The following ESRRG variants were observed in gnomAD, a reference collection of about 807,000 sequenced individuals.
ESRRG encodes the protein estrogen related receptor gamma.
ESRRG carries 13 observed loss-of-function variants against 44.0 expected under a neutral mutation model. The observed-to-expected ratio is 0.30, with a 90% confidence interval of 0.19 to 0.47. The LOEUF is 0.47. ESRRG is among the 20% of genes least tolerant of loss of function. The pLI is 1.00. For missense variants in ESRRG, 395 were observed against 580.6 expected (o/e 0.68, Z 3.29); for synonymous variants, 215 against 214.6 (o/e 1.00, Z -0.02).
chr1:216,627,542 C>T (rs551824827), intron 3 of ESRRG, among the ~76,000 whole-genome samples: 3 of 152,180 alleles, frequency 2.0e-5, no homozygotes, highest in Non-Finnish European at 4.4e-5. Context: ...AAGATATAAA[C>T]ATTGAAACAA....
At chr1:217,010,705 G>A (rs138345905) in intron 1 of ESRRG, among the ~76,000 whole-genome samples, 56 of 152,218 alleles carry the variant, frequency 3.7e-4, no homozygotes, top group Admixed American at 3.1e-3. Flanking sequence ...ATTTGGCCCC[G>A]TGAAAAGAAG....
chr1:216,519,812 A>AG (rs2045522434), intron 5 of ESRRG, among the ~76,000 whole-genome samples: 1 of 125,278 alleles, frequency 8.0e-6, no homozygotes, highest in African/African-American at 3.4e-5. Flanking sequence ...ACAACATAAA[A>AG]GTAAAAAAAA....
At chr1:216,796,053 G>A (rs541542438) in intron 2 of ESRRG, among the ~76,000 whole-genome samples, 1 of 152,306 alleles carries the variant, frequency 6.6e-6, no homozygotes, top group East Asian at 1.9e-4. Flanking sequence ...AACAAGTGGG[G>A]CTGGCTGAAA....
chr1:216,738,956 A>G (rs2090322989), intron 2 of ESRRG, among the ~76,000 whole-genome samples: 1 of 152,170 alleles, frequency 6.6e-6, no homozygotes, highest in African/African-American at 2.4e-5. Context: ...GCCTGAAGTG[A>G]TCTACCACCT....
intron 2 of ESRRG, among the ~76,000 whole-genome samples, chr1:216,825,911 C>T (rs2095384489): frequency 6.6e-6 from 1 of 152,126 alleles, no homozygotes; most frequent in Non-Finnish European, 1.5e-5. Flanking sequence ...TCTATTAGTT[C>T]TTCAGTGGCA....
At chr1:216,997,322 G>T (rs1436872104) in intron 1 of ESRRG, among the ~76,000 whole-genome samples, 3 of 152,150 alleles carry the variant, frequency 2.0e-5, no homozygotes, top group Non-Finnish European at 4.4e-5. Context: ...AGACAACCCT[G>T]CAGAACATGC....
chr1:216,833,919 A>G (rs887672049), intron 2 of ESRRG, among the ~76,000 whole-genome samples: 1 of 152,170 alleles, frequency 6.6e-6, no homozygotes, highest in African/African-American at 2.4e-5. Flanking sequence ...TCCCTATGCA[A>G]TGGCATTTAG....
chr1:216,855,772 G>A (rs961139682), intron 2 of ESRRG, among the ~76,000 whole-genome samples: 4 of 152,126 alleles, frequency 2.6e-5, no homozygotes, highest in African/African-American at 9.7e-5. Flanking sequence ...AGATCCTGCG[G>A]CTGCCGCATC....
chr1:216,519,573 C>CT, intron 5 of ESRRG, 152 bp from the exon 6 acceptor site: 1 of 700,496 alleles, frequency 1.4e-6, no homozygotes. Context: ...GATCACTTTG[C>CT]GAACAGCAAA....
chr1:216,829,847 C>G (rs1218140100), intron 2 of ESRRG, among the ~76,000 whole-genome samples: 1 of 152,116 alleles, frequency 6.6e-6, no homozygotes, highest in Admixed American at 6.5e-5. Context: ...AGCCACCGCG[C>G]CCGGCCTGAA....
intron 1 of ESRRG, among the ~76,000 whole-genome samples, chr1:217,057,138 C>T (rs187882261): frequency 3.9e-5 from 6 of 152,216 alleles, no homozygotes; most frequent in Non-Finnish European, 5.9e-5. Context: ...ACATTTGAGC[C>T]ATATGGAACA....
chr1:216,744,368 C>T (rs1256069104), intron 2 of ESRRG, among the ~76,000 whole-genome samples: 1 of 152,072 alleles, frequency 6.6e-6, no homozygotes, highest in African/African-American at 2.4e-5. Flanking sequence ...CATATTCTTG[C>T]CTTGGGAAGT....
intron 1 of ESRRG, among the ~76,000 whole-genome samples, chr1:216,975,729 T>C (rs758963194): frequency 1.1e-4 from 16 of 152,166 alleles, no homozygotes; most frequent in Non-Finnish European, 2.2e-4. Flanking sequence ...CCTTTGATTG[T>C]AGAATGCCCT....
At chr1:217,058,181 G>A (rs2087553376) in intron 1 of ESRRG, among the ~76,000 whole-genome samples, 1 of 152,040 alleles carries the variant, frequency 6.6e-6, no homozygotes, top group African/African-American at 2.4e-5. Context: ...TGAGCAAAAA[G>A]AATACATGGC....
intron 2 of ESRRG, among the ~76,000 whole-genome samples, chr1:216,932,035 C>T (rs1023361104): frequency 1.3e-5 from 2 of 151,970 alleles, no homozygotes; most frequent in African/African-American, 4.8e-5. Flanking sequence ...GAAACGTGGT[C>T]TCTACTAAAA....
At chr1:217,029,943 A>C (rs1430630826) in intron 1 of ESRRG, among the ~76,000 whole-genome samples, 2 of 152,076 alleles carry the variant, frequency 1.3e-5, no homozygotes, top group Admixed American at 6.6e-5. Flanking sequence ...ACTAATATTT[A>C]CTCAGCTTAG....
chr1:216,934,294 C>G (rs570442446), intron 2 of ESRRG, among the ~76,000 whole-genome samples: 149 of 152,170 alleles, frequency 9.8e-4, no homozygotes, highest in African/African-American at 3.5e-3. Flanking sequence ...ATTAGCCGGA[C>G]GTGGTGGCAG....
chr1:216,657,872 G>A (rs540420603), intron 2 of ESRRG, among the ~76,000 whole-genome samples: 1 of 152,236 alleles, frequency 6.6e-6, no homozygotes, highest in East Asian at 1.9e-4. Context: ...CCTTTTGCAG[G>A]TTGGTTCTTT....
intron 1 of ESRRG, among the ~76,000 whole-genome samples, chr1:217,027,680 A>G (rs879499263): frequency 1.3e-5 from 2 of 152,192 alleles, no homozygotes; most frequent in Non-Finnish European, 2.9e-5. Flanking sequence ...TCATCAGCCT[A>G]CCATGCAAAA....
Sources: gnomAD v4.1 joint callset for allele counts (sites outside exome capture counted in the v4.1 genomes callset) on GRCh38, gnomAD v4.1.1 for gene constraint, MANE v1.5 for transcripts, NCBI Gene and HGNC (gene_info 2026-07-23, HGNC 2026-07-21) for gene names.